Variants in STK39 observed in about 807,000 individuals in gnomAD.
The protein encoded by STK39 is serine/threonine kinase 39.
STK39 carries 20 observed loss-of-function variants against 77.8 expected under a neutral mutation model. The ratio of observed to expected loss-of-function variants is 0.26; its 90% CI spans 0.18 to 0.37. The LOEUF is 0.37. STK39 is among the 10% of genes least tolerant of loss of function. The pLI is 1.00. For synonymous variants in STK39, 246 were observed against 234.1 expected (o/e 1.05, Z -0.47); for missense variants, 479 against 656.5 (o/e 0.73, Z 2.95).
At chr2:168,018,556 AAGAAAG>A (rs1684485443) in intron 14 of STK39, among the ~76,000 whole-genome samples, 9 of 144,358 alleles carry the variant, frequency 6.2e-5, no homozygotes, top group African/African-American at 2.4e-4. Flanking sequence ...GAAAGAAAGA[AAGAAAG>A]AAAGAAAGAA....
chr2:168,089,674 C>T (rs533019742), intron 10 of STK39, among the ~76,000 whole-genome samples: 4 of 152,278 alleles, frequency 2.6e-5, no homozygotes, highest in African/African-American at 4.8e-5. Context: ...AGGGCAATGG[C>T]GCAATCTCGG....
chr2:168,003,433 T>C (rs1052069243), intron 16 of STK39, among the ~76,000 whole-genome samples: 4 of 152,238 alleles, frequency 2.6e-5, no homozygotes, highest in Non-Finnish European at 5.9e-5. Flanking sequence ...AATATTAATG[T>C]CCAATTTTTC....
chr2:168,024,099 A>G (rs1157641567), intron 14 of STK39, among the ~76,000 whole-genome samples: 1 of 152,166 alleles, frequency 6.6e-6, no homozygotes, highest in Non-Finnish European at 1.5e-5. Context: ...CATCATTTTT[A>G]GTTCAGCTTG....
At chr2:168,205,887 T>C (rs1348315889) in intron 1 of STK39, among the ~76,000 whole-genome samples, 1 of 152,184 alleles carries the variant, frequency 6.6e-6, no homozygotes, top group African/African-American at 2.4e-5. Flanking sequence ...TTTTTGTATA[T>C]GAATTCAACT....
chr2:168,110,286 G>A (rs1687087715), intron 10 of STK39, among the ~76,000 whole-genome samples: 1 of 152,198 alleles, frequency 6.6e-6, no homozygotes, highest in South Asian at 2.1e-4. Flanking sequence ...AGGCTGCAGT[G>A]TAGTGGTACA....
intron 2 of STK39, among the ~76,000 whole-genome samples, chr2:168,178,901 A>G (rs1246534320): frequency 1.3e-5 from 2 of 152,078 alleles, no homozygotes. Flanking sequence ...ATCAATTCTG[A>G]CCTGTGTGTG....
chr2:167,955,923 TCTAA>T (rs1691752239), intron 17 of STK39, among the ~76,000 whole-genome samples: 1 of 152,206 alleles, frequency 6.6e-6, no homozygotes, highest in African/African-American at 2.4e-5. Context: ...AAATATACTT[TCTAA>T]CTAAATCACC....
chr2:168,020,969 G>T (rs1027612802), intron 14 of STK39, among the ~76,000 whole-genome samples: 1 of 152,070 alleles, frequency 6.6e-6, no homozygotes, highest in African/African-American at 2.4e-5. Flanking sequence ...TTTATGTGCT[G>T]TATATGAGCA....
intron 10 of STK39, among the ~76,000 whole-genome samples, chr2:168,098,477 C>T (rs758075224): frequency 3.9e-5 from 6 of 152,166 alleles, no homozygotes; most frequent in South Asian, 2.1e-4. Flanking sequence ...TATTGCACCA[C>T]GTATGCCTGA....
intron 10 of STK39, among the ~76,000 whole-genome samples, chr2:168,089,714 A>G (rs1050817482): frequency 1.3e-5 from 2 of 152,188 alleles, no homozygotes; most frequent in Admixed American, 1.3e-4. Context: ...CCCAGGTCCT[A>G]GCAATTCTCC....
intron 5 of STK39, among the ~76,000 whole-genome samples, chr2:168,160,955 G>C (rs1688555553): frequency 6.6e-6 from 1 of 150,982 alleles, no homozygotes; most frequent in Admixed American, 6.6e-5. Context: ...GGGGTGGGGG[G>C]CAGCAGATGA....
At chr2:168,128,858 T>C (rs903487397) in intron 10 of STK39, among the ~76,000 whole-genome samples, 14 of 152,092 alleles carry the variant, frequency 9.2e-5, no homozygotes, top group South Asian at 4.1e-4. Context: ...ATATACATAT[T>C]TTTAATTATA....
At chr2:168,169,498 T>C (rs1688769483) in intron 2 of STK39, among the ~76,000 whole-genome samples, 1 of 152,198 alleles carries the variant, frequency 6.6e-6, no homozygotes, top group Admixed American at 6.6e-5. Context: ...CTAATGGTCA[T>C]ACAAAAGGAA....
chr2:168,001,562 T>G (rs966491379), intron 16 of STK39, among the ~76,000 whole-genome samples: 3 of 152,116 alleles, frequency 2.0e-5, no homozygotes, highest in Admixed American at 1.3e-4. Context: ...AGGATCAAAT[T>G]TAAGATTATA....
intron 16 of STK39, among the ~76,000 whole-genome samples, chr2:167,970,056 C>G (rs1692287499): frequency 6.6e-6 from 1 of 152,166 alleles, no homozygotes; most frequent in African/African-American, 2.4e-5. Context: ...GCCATTCCCT[C>G]TCCCGGAAAT....
intron 10 of STK39, among the ~76,000 whole-genome samples, chr2:168,078,501 G>T (rs1357347839): frequency 6.6e-6 from 1 of 152,112 alleles, no homozygotes; most frequent in East Asian, 1.9e-4. Context: ...CTGCAAATCT[G>T]CAAATACAGT....
intron 16 of STK39, among the ~76,000 whole-genome samples, chr2:167,992,013 C>A (rs1434072783): frequency 6.6e-6 from 1 of 152,102 alleles, no homozygotes; most frequent in Non-Finnish European, 1.5e-5. Flanking sequence ...TCTTAAACTG[C>A]TTTTATCTAG....
At chr2:168,246,849 C>T (rs1463106952) in intron 1 of STK39, among the ~76,000 whole-genome samples, 7 of 151,922 alleles carry the variant, frequency 4.6e-5, no homozygotes, top group African/African-American at 1.7e-4. Context: ...CCACCCGCGG[C>T]TGCCTGTCCG....
At chr2:168,081,160 T>C (rs1686219368) in intron 10 of STK39, among the ~76,000 whole-genome samples, 2 of 152,040 alleles carry the variant, frequency 1.3e-5, no homozygotes, top group Admixed American at 1.3e-4. Context: ...GACCCCAGAA[T>C]GGTAGATCCA....
Sources: allele counts gnomAD v4.1 joint callset (sites outside exome capture counted in the v4.1 genomes callset), GRCh38; gene constraint gnomAD v4.1.1; transcripts MANE v1.5; gene names NCBI Gene and HGNC (gene_info 2026-07-23, HGNC 2026-07-21).